KIAA1328: variants seen among roughly 807,000 people sequenced by gnomAD.
KIAA1328 encodes the protein protein hinderin.
A neutral mutation model predicts 68.1 loss-of-function variants in KIAA1328; 52 were observed. That is an observed-to-expected ratio of 0.76 (90% CI 0.61 to 0.96). The LOEUF (loss-of-function observed/expected upper bound fraction) is 0.96. Among genes scored for constraint, KIAA1328 ranks in the 40% least tolerant of loss-of-function variants. The pLI is 0.00. For missense variants in KIAA1328, 641 were observed against 677.6 expected (o/e 0.95, Z 0.60); for synonymous variants, 232 against 239.4 (o/e 0.97, Z 0.28).
chr18:37,053,445 G>C (rs2055782997), intron 6 of KIAA1328, among the ~76,000 whole-genome samples: 1 of 152,036 alleles, frequency 6.6e-6, no homozygotes, highest in Non-Finnish European at 1.5e-5. Context: ...TTATGACTAA[G>C]ACCTCAAAAA....
intron 6 of KIAA1328, among the ~76,000 whole-genome samples, chr18:37,036,121 T>G (rs1374020818): frequency 2.0e-5 from 3 of 152,200 alleles, no homozygotes; most frequent in Admixed American, 2.0e-4. Context: ...AGGGTCACCT[T>G]ATTACGTAAG....
chr18:36,987,268 AG>A (rs1466504613), intron 6 of KIAA1328, among the ~76,000 whole-genome samples: 6 of 119,976 alleles, frequency 5.0e-5, no homozygotes, highest in Admixed American at 4.8e-4. Flanking sequence ...TCTCACTCAT[AG>A]GTGGGAATTG....
chr18:36,913,538 C>G (rs1323005301), intron 5 of KIAA1328, among the ~76,000 whole-genome samples: 2 of 28,134 alleles, frequency 7.1e-5, no homozygotes, highest in Non-Finnish European at 2.3e-4. Context: ...AGGAAAGCAA[C>G]TGCCTACACA....
At chr18:36,943,880 T>C (rs969650726) in intron 5 of KIAA1328, among the ~76,000 whole-genome samples, 2 of 152,216 alleles carry the variant, frequency 1.3e-5, no homozygotes, top group Non-Finnish European at 2.9e-5. Flanking sequence ...TATTATTCTC[T>C]GGTAAAGTAA....
At chr18:37,121,511 ACT>A (rs2058271756) in intron 7 of KIAA1328, among the ~76,000 whole-genome samples, 1 of 151,974 alleles carries the variant, frequency 6.6e-6, no homozygotes, top group African/African-American at 2.4e-5. Context: ...ACCAATTGAG[ACT>A]CTTCAAATTT....
intron 5 of KIAA1328, among the ~76,000 whole-genome samples, chr18:36,956,373 A>G (rs1444877539): frequency 6.6e-6 from 1 of 152,166 alleles, no homozygotes; most frequent in Non-Finnish European, 1.5e-5. Flanking sequence ...TTGGTTTTCA[A>G]CATCTATTTC....
At chr18:37,089,812 A>G (rs1465556508) in intron 7 of KIAA1328, among the ~76,000 whole-genome samples, 1 of 152,242 alleles carries the variant, frequency 6.6e-6, no homozygotes, top group Non-Finnish European at 1.5e-5. Context: ...ATGCAAAATT[A>G]CAAAACTGTT....
At chr18:36,931,214 GT>G (rs764323995) in intron 5 of KIAA1328, among the ~76,000 whole-genome samples, 28 of 152,164 alleles carry the variant, frequency 1.8e-4, no homozygotes, top group Middle Eastern at 3.4e-3. Flanking sequence ...TAGGTCAGGG[GT>G]CCCCAGCCCC....
intron 7 of KIAA1328, among the ~76,000 whole-genome samples, chr18:37,072,728 T>C (rs2056579135): frequency 6.6e-6 from 1 of 152,060 alleles, no homozygotes; most frequent in South Asian, 2.1e-4. Flanking sequence ...ACCATGGTGG[T>C]TTGCTGCACA....
chr18:36,853,350 A>G (rs905687077), intron 4 of KIAA1328, among the ~76,000 whole-genome samples: 2 of 152,236 alleles, frequency 1.3e-5, no homozygotes, highest in African/African-American at 2.4e-5. Context: ...GCATATGTGT[A>G]TGAAAAGACA....
In KIAA1328 at chr18:37,009,415, G is replaced by A. The variant is rs1476584934; in HGVS notation, c.576+49980G>A. On this transcript the variant is annotated intron_variant, in intron 6 of 9. Coordinates refer to ENST00000280020, the MANE Select transcript of KIAA1328 (RefSeq NM_020776.3). ...GATAGAGGGCCAGGGAGAGGGAGTG[G>A]ATATAGCAGGCACTACTGTTATTCC... Among the ~76,000 whole-genome samples the A allele has an allele frequency of 2.0e-5, 3 of 152,116 alleles. No homozygotes were observed. The East Asian group carries it at 5.8e-4, about 29-fold the overall frequency.
At chr18:36,938,471 T>C (rs1341813496) in intron 5 of KIAA1328, among the ~76,000 whole-genome samples, 1 of 152,224 alleles carries the variant, frequency 6.6e-6, no homozygotes, top group Non-Finnish European at 1.5e-5. Flanking sequence ...TTGAGTTGTT[T>C]GAGTACCTTC....
intron 5 of KIAA1328, among the ~76,000 whole-genome samples, chr18:36,917,179 TG>T (rs2151093500): frequency 6.6e-6 from 1 of 152,320 alleles, no homozygotes; most frequent in South Asian, 2.1e-4. Flanking sequence ...TCTTGTAATT[TG>T]GAATATCTCC....
intron 5 of KIAA1328, 139 bp downstream of exon 5, chr18:36,885,811 G>A (rs2048481243): frequency 2.7e-5 from 15 of 560,326 alleles, no homozygotes; most frequent in South Asian, 2.3e-4. Context: ...TCCACCTCCC[G>A]GTTCAAGCGA....
At chr18:36,950,583 G>T (rs1366115078) in intron 5 of KIAA1328, among the ~76,000 whole-genome samples, 1 of 152,108 alleles carries the variant, frequency 6.6e-6, no homozygotes, top group Non-Finnish European at 1.5e-5. Context: ...TGAAAGCTTG[G>T]AGGAAGAGGT....
chr18:37,097,118 C>T (rs965362695), intron 7 of KIAA1328, among the ~76,000 whole-genome samples: 2 of 152,136 alleles, frequency 1.3e-5, no homozygotes, highest in African/African-American at 4.8e-5. Context: ...GTTGCCATTG[C>T]TTTTGGTGTT....
At chr18:37,063,651 G>T in intron 6 of KIAA1328, 1 of 985,334 alleles carries the variant, frequency 1.0e-6, no homozygotes, top group Non-Finnish European at 1.2e-6. Flanking sequence ...ACAGAGCATT[G>T]CTCTCTAGGC....
rs763778401 is a variant in KIAA1328, at chr18:37,160,326, G to A, written c.1359G>A (p.Met453Ile). 3.7e-6 allele frequency: 6 copies of A among 1,613,690 alleles called. No individual in the cohort carries two copies. Among genetic ancestry groups the A allele is most frequent in the Admixed American group, 3.3e-5 (2 of 59,998 alleles). ...AGACAGTTGGGTTTCATTCGCATAT[G>A]AAAGATGATGCCCAGTGGTCATGTC... is the stretch of plus-strand genomic sequence containing the variant. ...ERKTVGFHSH[M>I]KDDAQWSCQK... The change falls in exon 8 of 10, where the codon ATG (methionine) becomes ATA (isoleucine). Residue 453 changes from methionine to isoleucine, a missense_variant. Coordinates refer to ENST00000280020, the MANE Select transcript of KIAA1328 (RefSeq NM_020776.3).
chr18:37,159,935 T>G (rs1417882457), intron 7 of KIAA1328, among the ~76,000 whole-genome samples: 2 of 152,190 alleles, frequency 1.3e-5, no homozygotes, highest in Non-Finnish European at 2.9e-5. Flanking sequence ...ATTCTGTGAC[T>G]TTATTAGCTG....
Sources: allele counts gnomAD v4.1 joint callset (sites outside exome capture counted in the v4.1 genomes callset), GRCh38; gene constraint gnomAD v4.1.1; transcripts MANE v1.5; gene names NCBI Gene and HGNC (gene_info 2026-07-23, HGNC 2026-07-21).